The following SKP2 variants were observed in gnomAD, a reference collection of about 807,000 sequenced individuals.
SKP2 encodes the protein S-phase kinase-associated protein 2.
A neutral mutation model predicts 51.8 loss-of-function variants in SKP2; 16 were observed. The observed-to-expected ratio is 0.31, with a 90% CI of 0.21 to 0.47. The LOEUF (loss-of-function observed/expected upper bound fraction) is 0.47, where lower values mean the gene tolerates loss of function less well. SKP2 is among the 20% of genes least tolerant of loss of function. The pLI is 1.00. For missense variants in SKP2, 377 were observed against 505.3 expected (o/e 0.75, Z 2.43); for synonymous variants, 176 against 198.6 (o/e 0.89, Z 0.96).
chr5:36,154,934 C>A (rs987667653), intron 2 of SKP2, among the ~76,000 whole-genome samples: 1 of 152,200 alleles, frequency 6.6e-6, no homozygotes, highest in African/African-American at 2.4e-5. Flanking sequence ...TTGAAATCAT[C>A]TGTGGAAGAG....
intron 9 of SKP2, chr5:36,180,298 TTAAGTA>T (rs745532889): frequency 2.2e-5 from 29 of 1,320,464 alleles, no homozygotes; most frequent in Admixed American, 7.6e-5. Flanking sequence ...TCGTAAGTGA[TTAAGTA>T]TAAGTATCTG....
At chr5:36,177,508 A>G in intron 9 of SKP2, 2 of 619,524 alleles carry the variant, frequency 3.2e-6, no homozygotes, top group South Asian at 3.2e-5. Flanking sequence ...TTTAGCTGTA[A>G]GCAGTTTTAA....
At chr5:36,175,779 A>G (rs575238541) in intron 7 of SKP2, among the ~76,000 whole-genome samples, 1 of 152,194 alleles carries the variant, frequency 6.6e-6, no homozygotes, top group South Asian at 2.1e-4. Flanking sequence ...AAGCGTTTTC[A>G]TAATGATTAG....
chr5:36,190,180 T>C (rs1745994094), intron 6 of SKP2, among the ~76,000 whole-genome samples: 1 of 152,078 alleles, frequency 6.6e-6, no homozygotes, highest in African/African-American at 2.4e-5. Flanking sequence ...GGTGAGGCGA[T>C]GCCTCACCCT....
intron 2 of SKP2, among the ~76,000 whole-genome samples, chr5:36,160,228 G>A (rs1391307097): frequency 6.6e-6 from 1 of 152,188 alleles, no homozygotes; most frequent in African/African-American, 2.4e-5. Flanking sequence ...AATGTGTTGA[G>A]GAGGCCCAGC....
At position 36,181,988 on chromosome 5, in the gene SKP2, G is replaced by A. The variant is rs1317660594; in HGVS notation, c.1232G>A (p.Gly411Asp). The change falls in exon 10 of 10, where the codon GGC becomes GAC. Residue 411 changes from glycine (G) to aspartate (D), a missense_variant. Around this residue, in one of 2 missense-constraint regions of SKP2, gnomAD observed 262 missense variants for 389.8 expected, o/e 0.67. Coordinates refer to ENST00000274255, the MANE Select transcript of SKP2 (RefSeq NM_005983.4). ...AACAAAAAGAACCAGGAGATATGGG[G>A]CATCAAATGCCGACTGACACTGCAA... ...IGNKKNQEIW[G>D]IKCRLTLQKP... 1 of 1,614,142 alleles carries A rather than the reference G, an allele frequency of 6.2e-7. No individual in the cohort carries two copies. Among genetic ancestry groups the A allele is most frequent in the Admixed American group, 1.7e-5 (1 of 60,014 alleles).
intron 5 of SKP2, 125 bp downstream of exon 5, chr5:36,168,572 C>G (rs1403020125): frequency 1.1e-6 from 1 of 870,304 alleles, no homozygotes; most frequent in African/African-American, 1.7e-5. Flanking sequence ...TAGTGCAGTG[C>G]TCTAGCTTCT....
At chr5:36,189,474 C>T (rs1745985838) in intron 6 of SKP2, among the ~76,000 whole-genome samples, 1 of 152,214 alleles carries the variant, frequency 6.6e-6, no homozygotes, top group Non-Finnish European at 1.5e-5. Context: ...TTGGAGTTTG[C>T]TGGAGGTCCA....
At chr5:36,181,193 A>G (rs1293868520) in intron 9 of SKP2, among the ~76,000 whole-genome samples, 1 of 152,198 alleles carries the variant, frequency 6.6e-6, no homozygotes, top group African/African-American at 2.4e-5. Flanking sequence ...ATTACCTCCT[A>G]TAAAGGGTGT....
intron 6 of SKP2, among the ~76,000 whole-genome samples, chr5:36,189,913 G>C (rs1372871559): frequency 6.6e-6 from 1 of 152,176 alleles, no homozygotes; most frequent in African/African-American, 2.4e-5. Flanking sequence ...CCAAGCCTCA[G>C]CAATGGCAGG....
At chr5:36,161,356 GTAAA>G (rs1163278139) in intron 2 of SKP2, among the ~76,000 whole-genome samples, 1 of 150,738 alleles carries the variant, frequency 6.6e-6, no homozygotes, top group African/African-American at 2.4e-5. Flanking sequence ...AGATGAGTAA[GTAAA>G]TAATGAAATT....
chr5:36,185,761 TTAAAG>T (rs1745948293), downstream of SKP2, among the ~76,000 whole-genome samples: 1 of 152,216 alleles, frequency 6.6e-6, no homozygotes, highest in South Asian at 2.1e-4. Flanking sequence ...CATATGAACT[TTAAAG>T]TAGTTTTTTG....
At chr5:36,180,508 A>T (rs375748057) in intron 9 of SKP2, among the ~76,000 whole-genome samples, 6 of 152,178 alleles carry the variant, frequency 3.9e-5, no homozygotes, top group African/African-American at 1.4e-4. Context: ...GTACTCAGCT[A>T]ACGTATATTA....
Position 36,183,669 on chromosome 5 carries a change from A to C in SKP2, c.*1638A>C. On this transcript the variant is annotated 3_prime_UTR_variant, in exon 10 of 10. Transcript: ENST00000274255. Reference sequence around the variant, plus strand: ...AAAGCTAACACCAGTCATTTATATTAACTTTTTTTTTTTAAATCAAAAATT... The same window carrying C: ...AAAGCTAACACCAGTCATTTATATTCACTTTTTTTTTTTAAATCAAAAATT... 1.6e-6 allele frequency: 2 copies of C among 1,242,316 alleles called. No homozygotes were observed. Among genetic ancestry groups the C allele is most frequent in the Non-Finnish European group, 2.0e-6 (2 of 985,868 alleles). 77.0% of individuals were successfully genotyped at this position (1,242,316 alleles called of 1,614,324 possible).
intron 2 of SKP2, among the ~76,000 whole-genome samples, chr5:36,158,998 A>AT (rs201728750): frequency 0.011 from 1,668 of 152,348 alleles, 31 homozygotes; most frequent in African/African-American, 0.038. Context: ...GAATTAGCAC[A>AT]TTCACCATTT....
intron 7 of SKP2, 75 bp downstream of exon 7, chr5:36,171,808 A>G: frequency 1.4e-6 from 2 of 1,429,602 alleles, no homozygotes; most frequent in Non-Finnish European, 1.9e-6. Flanking sequence ...TCTCCTAATC[A>G]TTCCTCCACA....
At chr5:36,189,142 G>GT (rs1376376762), downstream of SKP2, among the ~76,000 whole-genome samples, 3 of 152,090 alleles carry the variant, frequency 2.0e-5, no homozygotes, top group Admixed American at 6.6e-5. Flanking sequence ...TTTTTTCAAA[G>GT]TTTTTAGCTT....
Position 36,164,736 on chromosome 5 carries a change from G to A in SKP2, c.392+980G>A, listed in dbSNP as rs1444432112. Among the ~76,000 whole-genome samples the A allele has an allele frequency of 6.6e-5, 10 of 152,248 alleles. No homozygotes were observed. In the South Asian group the frequency reaches 1.9e-3, roughly 28 times the overall value. ...CCTCACCGCACTCAACCCCACTTTGGTTTTCTTTTTCTGCCAGCTATGCAT... is the reference window on the plus strand; with the variant it reads ...CCTCACCGCACTCAACCCCACTTTGATTTTCTTTTTCTGCCAGCTATGCAT... On this transcript the variant is annotated intron_variant, in intron 3 of 9. Transcript: ENST00000274255.
intron 3 of SKP2, among the ~76,000 whole-genome samples, chr5:36,166,313 A>G (rs1333026130): frequency 2.0e-5 from 3 of 152,256 alleles, no homozygotes; most frequent in African/African-American, 7.2e-5. Context: ...GAAAGATGGA[A>G]GCTTATCCCT....
Sources: gnomAD v4.1 joint callset for allele counts (sites outside exome capture counted in the v4.1 genomes callset) on GRCh38, gnomAD v4.1.1 for gene constraint, gnomAD v4.1.1 regional missense constraint, MANE v1.5 for transcripts, NCBI Gene and HGNC (gene_info 2026-07-23, HGNC 2026-07-21) for gene names.